Variants in ENTREP2 observed in about 807,000 individuals in gnomAD.
The protein encoded by ENTREP2 is protein ENTREP2.
chr15:29,146,857 C>T, the ENTREP2 span, among the ~76,000 whole-genome samples: 1 of 152,096 alleles, frequency 6.6e-6, no homozygotes, highest in East Asian at 1.9e-4. Flanking sequence ...ATTGCTTGAA[C>T]CTGGGAGGCA....
At chr15:29,306,374 T>C in the ENTREP2 span, among the ~76,000 whole-genome samples, 1 of 152,130 alleles carries the variant, frequency 6.6e-6, no homozygotes, top group Non-Finnish European at 1.5e-5. Flanking sequence ...CACCTGAATA[T>C]GAAAGGAAAT....
the ENTREP2 span, among the ~76,000 whole-genome samples, chr15:29,598,677 A>G: frequency 6.9e-6 from 1 of 145,596 alleles, no homozygotes; most frequent in Admixed American, 6.9e-5. Flanking sequence ...GAAGTGACCT[A>G]AAATCTTTTT....
the ENTREP2 span, among the ~76,000 whole-genome samples, chr15:29,252,753 C>A: frequency 6.6e-6 from 1 of 152,122 alleles, no homozygotes; most frequent in African/African-American, 2.4e-5. Flanking sequence ...AGGAGTTAAA[C>A]TTGAAAGACT....
At chr15:29,665,249 G>A in the ENTREP2 span, among the ~76,000 whole-genome samples, 4 of 152,208 alleles carry the variant, frequency 2.6e-5, no homozygotes, top group Non-Finnish European at 5.9e-5. Context: ...TCTATCAGCA[G>A]AGCCTAGTTC....
chr15:29,533,519 T>TG, the ENTREP2 span, among the ~76,000 whole-genome samples: 2 of 152,200 alleles, frequency 1.3e-5, no homozygotes, highest in African/African-American at 4.8e-5. Flanking sequence ...AGCTTCCACC[T>TG]GTTCACCTGG....
the ENTREP2 span, among the ~76,000 whole-genome samples, chr15:29,562,993 C>G: frequency 6.6e-6 from 1 of 152,002 alleles, no homozygotes; most frequent in Non-Finnish European, 1.5e-5. Context: ...GGTTTTGCCA[C>G]GTTGTCCAGG....
At chr15:29,407,925 C>T in the ENTREP2 span, among the ~76,000 whole-genome samples, 5 of 152,098 alleles carry the variant, frequency 3.3e-5, no homozygotes, top group Non-Finnish European at 7.4e-5. Flanking sequence ...GGTGATCCAC[C>T]CACCTCGGCC....
At chr15:29,338,941 C>T in the ENTREP2 span, among the ~76,000 whole-genome samples, 104 of 152,232 alleles carry the variant, frequency 6.8e-4, no homozygotes, top group African/African-American at 2.4e-3. Flanking sequence ...TAGCAGGGCC[C>T]GAGAGCCTGT....
At chr15:29,528,641 T>C in the ENTREP2 span, among the ~76,000 whole-genome samples, 1 of 151,904 alleles carries the variant, frequency 6.6e-6, no homozygotes, top group Admixed American at 6.5e-5. Flanking sequence ...CATCTTCTGA[T>C]AGCAAATCAA....
chr15:29,633,433 A>C, the ENTREP2 span, among the ~76,000 whole-genome samples: 1 of 151,920 alleles, frequency 6.6e-6, no homozygotes, highest in African/African-American at 2.4e-5. Context: ...ATTTACATGT[A>C]GGAATATAAA....
At chr15:29,481,397 G>T in the ENTREP2 span, among the ~76,000 whole-genome samples, 1 of 152,072 alleles carries the variant, frequency 6.6e-6, no homozygotes, top group Non-Finnish European at 1.5e-5. Context: ...GGCCCTCAGG[G>T]ACCTCTGTGA....
the ENTREP2 span, among the ~76,000 whole-genome samples, chr15:29,523,201 T>G: frequency 1.3e-5 from 2 of 152,170 alleles, no homozygotes; most frequent in Non-Finnish European, 2.9e-5. Context: ...TTAGAAAATC[T>G]TAAGGAATCC....
chr15:29,278,003 C>T, the ENTREP2 span, among the ~76,000 whole-genome samples: 1 of 151,562 alleles, frequency 6.6e-6, no homozygotes, highest in Non-Finnish European at 1.5e-5. Context: ...CAAGAAAGAC[C>T]CCATGTATAC....
At chr15:29,237,838 T>C in the ENTREP2 span, among the ~76,000 whole-genome samples, 1 of 152,324 alleles carries the variant, frequency 6.6e-6, no homozygotes, top group South Asian at 2.1e-4. Context: ...ATTGTGGTTT[T>C]TGCCATTAAA....
chr15:29,450,061 T>C, the ENTREP2 span, among the ~76,000 whole-genome samples: 1 of 152,356 alleles, frequency 6.6e-6, no homozygotes, highest in South Asian at 2.1e-4. Context: ...GAAAAGTGTC[T>C]GTTCATGTCC....
the ENTREP2 span, among the ~76,000 whole-genome samples, chr15:29,128,159 C>A: frequency 6.6e-6 from 1 of 152,190 alleles, no homozygotes. Context: ...CCATGTGACC[C>A]CTCGCAGGGG....
chr15:29,214,762 C>T, the ENTREP2 span, among the ~76,000 whole-genome samples: 1 of 151,040 alleles, frequency 6.6e-6, no homozygotes, highest in Admixed American at 6.6e-5. Context: ...TTTGAAGGTT[C>T]CTTTTGGAGT....
the ENTREP2 span, among the ~76,000 whole-genome samples, chr15:29,603,507 T>A: frequency 2.0e-5 from 3 of 151,900 alleles, no homozygotes; most frequent in Non-Finnish European, 4.4e-5. Flanking sequence ...GCAAGGGGGC[T>A]CTCCCACAGG....
the ENTREP2 span, among the ~76,000 whole-genome samples, chr15:29,307,806 CAAGTCCT>C: frequency 6.6e-6 from 1 of 152,158 alleles, no homozygotes; most frequent in African/African-American, 2.4e-5. Flanking sequence ...AGACAGGAAG[CAAGTCCT>C]CACGAGAACC....
Sources: allele counts gnomAD v4.1 joint callset (sites outside exome capture counted in the v4.1 genomes callset), GRCh38; gene constraint gnomAD v4.1.1; transcripts MANE v1.5; gene names NCBI Gene and HGNC (gene_info 2026-07-23, HGNC 2026-07-21).